The following CPVL variants were observed in gnomAD, a reference collection of about 807,000 sequenced individuals.
CPVL encodes carboxypeptidase vitellogenic like.
In CPVL, 51 loss-of-function variants were observed where a neutral mutation model predicts 63.7. The observed-to-expected ratio is 0.80, with a 90% confidence interval of 0.64 to 1.01. CPVL has a LOEUF of 1.01. CPVL is among the 50% of genes least tolerant of loss of function. The pLI is 0.00. For missense variants in CPVL, 530 were observed against 573.1 expected (o/e 0.92, Z 0.77); for synonymous variants, 195 against 206.0 (o/e 0.95, Z 0.46).
chr7:29,039,630 C>T (rs1788872469), intron 11 of CPVL, among the ~76,000 whole-genome samples: 1 of 152,068 alleles, frequency 6.6e-6, no homozygotes, highest in African/African-American at 2.4e-5. Flanking sequence ...GGTCCACTTA[C>T]TGTTCTAAAC....
intron 11 of CPVL, among the ~76,000 whole-genome samples, chr7:29,054,636 ATG>A (rs1790523799): frequency 6.6e-6 from 1 of 152,226 alleles, no homozygotes; most frequent in Non-Finnish European, 1.5e-5. Flanking sequence ...GCTTCAGTAC[ATG>A]TGTCTGTGCA....
At chr7:29,109,137 C>A (rs1788009188) in intron 3 of CPVL, among the ~76,000 whole-genome samples, 1 of 152,210 alleles carries the variant, frequency 6.6e-6, no homozygotes, top group Non-Finnish European at 1.5e-5. Context: ...ATAACTGCTA[C>A]ATTTCTGCTA....
At chr7:29,059,436 G>A (rs534335887) in intron 11 of CPVL, among the ~76,000 whole-genome samples, 1 of 152,242 alleles carries the variant, frequency 6.6e-6, no homozygotes, top group Admixed American at 6.5e-5. Flanking sequence ...TGACATTCAT[G>A]CAAAAATTAT....
At chr7:29,136,429 A>G (rs1048122312) in intron 1 of CPVL, among the ~76,000 whole-genome samples, 1 of 152,264 alleles carries the variant, frequency 6.6e-6, no homozygotes. Flanking sequence ...AGAGAAAATT[A>G]TATCACCATT....
chr7:29,055,319 G>A (rs769112373), intron 11 of CPVL, among the ~76,000 whole-genome samples: 14 of 151,978 alleles, frequency 9.2e-5, no homozygotes, highest in African/African-American at 2.2e-4. Context: ...GTGCAATCTC[G>A]GCTCACTGCA....
At chr7:29,013,365 AC>A in intron 12 of CPVL, 1 of 149,584 alleles carries the variant, frequency 6.7e-6, no homozygotes, top group Admixed American at 6.6e-5. Context: ...GTTTGAAGCC[AC>A]TAAGTTTTGG....
At chr7:29,001,844 C>T (rs1784675354) in intron 12 of CPVL, among the ~76,000 whole-genome samples, 1 of 152,216 alleles carries the variant, frequency 6.6e-6, no homozygotes, top group Non-Finnish European at 1.5e-5. Flanking sequence ...CCATCTTAAT[C>T]AGTTGCAACA....
In CPVL at chr7:29,086,654, C is replaced by G. The variant is rs192538550; in HGVS notation, c.543-104G>C. On this transcript the variant is annotated intron_variant, in intron 6 of 12. Transcript: ENST00000265394. ...TAACTCTTTGGCAATAGGTTTCACA[C>G]TTGAAATAAGATACCACTCTGCTAT... 4.9e-4 allele frequency: 412 copies of G among 834,574 alleles called. 3 individuals carry two copies. The highest frequency in any genetic ancestry group is 4.1e-3 in the African/African-American group (242 of 58,842). The allele number at this position is 834,574 out of a possible 1,614,324, so 51.7% of individuals were successfully genotyped here. A position where few individuals can be genotyped will look rare whatever the true frequency, so the allele number is the denominator to read the frequency against.
At chr7:29,021,838 A>G (rs947830866) in intron 12 of CPVL, among the ~76,000 whole-genome samples, 1 of 151,786 alleles carries the variant, frequency 6.6e-6, no homozygotes, top group Non-Finnish European at 1.5e-5. Flanking sequence ...CCCAATACCC[A>G]CTACATATCT....
chr7:29,052,676 G>C (rs1444265195), intron 11 of CPVL, among the ~76,000 whole-genome samples: 1 of 152,124 alleles, frequency 6.6e-6, no homozygotes, highest in African/African-American at 2.4e-5. Context: ...TTGGGAGGTC[G>C]AGGCGGGCGG....
intron 11 of CPVL, among the ~76,000 whole-genome samples, chr7:29,062,377 A>AG (rs1782705437): frequency 6.6e-6 from 1 of 152,210 alleles, no homozygotes; most frequent in Non-Finnish European, 1.5e-5. Flanking sequence ...GCAAGCACTA[A>AG]GGGCCACTAC....
intron 1 of CPVL, among the ~76,000 whole-genome samples, chr7:29,142,136 G>A (rs758936901): frequency 1.3e-5 from 2 of 152,186 alleles, no homozygotes; most frequent in Non-Finnish European, 1.5e-5. Flanking sequence ...CTTTACTAGT[G>A]CAGATATGGT....
At chr7:28,994,842 G>A (rs1330565817), downstream of CPVL, among the ~76,000 whole-genome samples, 2 of 152,202 alleles carry the variant, frequency 1.3e-5, no homozygotes, top group South Asian at 2.1e-4. Context: ...AATATGAGAA[G>A]GAAGTGATGT....
At chr7:29,002,866 CAAA>C (rs373207674) in intron 12 of CPVL, among the ~76,000 whole-genome samples, 8 of 124,314 alleles carry the variant, frequency 6.4e-5, no homozygotes, top group South Asian at 5.0e-4. Context: ...TATGAAAATT[CAAA>C]AAAAAAAAAA....
intron 10 of CPVL, among the ~76,000 whole-genome samples, chr7:29,065,727 C>T (rs1381526580): frequency 6.6e-6 from 1 of 152,156 alleles, no homozygotes; most frequent in Non-Finnish European, 1.5e-5. Flanking sequence ...GAACTCCAAT[C>T]CCAGCCTGTG....
chr7:29,175,483 G>A (rs1797185313), intron 5 of CPVL, among the ~76,000 whole-genome samples: 1 of 151,954 alleles, frequency 6.6e-6, no homozygotes, highest in Non-Finnish European at 1.5e-5. Context: ...GCTGAGAGCT[G>A]ATGATTTTAT....
chr7:29,058,572 G>A (rs1175920598), intron 11 of CPVL, among the ~76,000 whole-genome samples: 3 of 152,060 alleles, frequency 2.0e-5, no homozygotes, highest in Non-Finnish European at 2.9e-5. Context: ...TTCTTACAAA[G>A]CAGGTCTACT....
At chr7:29,098,748 TCA>T (rs200095505) in intron 3 of CPVL, among the ~76,000 whole-genome samples, 7,667 of 152,240 alleles carry the variant, frequency 0.05, 214 homozygotes, top group East Asian at 0.14. Context: ...TCTCTGGATC[TCA>T]GTTTCCCCAC....
chr7:29,056,830 A>C (rs1422165422), intron 11 of CPVL, among the ~76,000 whole-genome samples: 2 of 152,170 alleles, frequency 1.3e-5, no homozygotes, highest in Non-Finnish European at 2.9e-5. Flanking sequence ...CATCCTTGTA[A>C]GCATTTAGTG....
Sources: gnomAD v4.1 joint callset for allele counts (sites outside exome capture counted in the v4.1 genomes callset) on GRCh38, gnomAD v4.1.1 for gene constraint, MANE v1.5 for transcripts, NCBI Gene and HGNC (gene_info 2026-07-23, HGNC 2026-07-21) for gene names.